Variants in PYGO1 observed in about 807,000 individuals in gnomAD.
The protein encoded by PYGO1 is pygopus family PHD finger 1, also known as pygopus homolog 1.
Under a neutral mutation model 29.5 loss-of-function variants are expected in PYGO1, and 6 were observed. The ratio of observed to expected loss-of-function variants is 0.20; its 90% CI spans 0.11 to 0.40. The LOEUF is 0.40. PYGO1 is among the 10% of genes least tolerant of loss of function. The pLI is 1.00. For synonymous variants in PYGO1, 186 were observed against 180.5 expected, an observed-to-expected ratio of 1.03 and a Z score of -0.24; for missense variants, 515 against 514.9, an observed-to-expected ratio of 1.00 and a Z score of 0.00.
intron 1 of PYGO1, among the ~76,000 whole-genome samples, chr15:55,569,304 TATTTC>T (rs1399009953): frequency 6.6e-6 from 1 of 152,168 alleles, no homozygotes; most frequent in East Asian, 1.9e-4. Flanking sequence ...CTGATTTAGT[TATTTC>T]ATTTCTTCTG....
At chr15:55,567,396 C>G (rs747158836) in intron 1 of PYGO1, among the ~76,000 whole-genome samples, 2 of 151,666 alleles carry the variant, frequency 1.3e-5, no homozygotes, top group Middle Eastern at 3.4e-3. Context: ...TTTGTAGAGA[C>G]AGGGTCTCCC....
At position 55,542,212 on chromosome 15, in the gene PYGO1, A is replaced by C. The variant is rs141264086; in HGVS notation, c.*3811T>G. The C allele has an allele frequency of 5.3e-4, 80 of 152,350 alleles. No homozygotes were observed. The highest frequency in any genetic ancestry group is 8.4e-4 in the Non-Finnish European group (57 of 68,034). The allele number at this position is 152,350 out of a possible 1,614,324, so 9.4% of individuals were successfully genotyped here. A position where few individuals can be genotyped will look rare whatever the true frequency, so the allele number is the denominator to read the frequency against. ...GTTCGAGACAAACAAGTTTGAAAGA[A>C]TATTGAATGAAGACTCTTGATACTT... On this transcript the variant is annotated 3_prime_UTR_variant, in exon 3 of 3. Coordinates refer to ENST00000563719, the MANE Select transcript of PYGO1 (RefSeq NM_001367806.1).
chr15:55,548,361 G>C (rs1208801843), intron 2 of PYGO1, among the ~76,000 whole-genome samples: 1 of 151,756 alleles, frequency 6.6e-6, no homozygotes, highest in Non-Finnish European at 1.5e-5. Context: ...CCTTTTTGCA[G>C]TATCTAGTCT....
Position 55,545,852 on chromosome 15 carries a change from G to A in PYGO1, c.*171C>T. ...ATATACATTATTCTCATTTAAGACAGCAAGCAAAGACAATAAAAAATTTGC... is the reference window on the plus strand; with the variant it reads ...ATATACATTATTCTCATTTAAGACAACAAGCAAAGACAATAAAAAATTTGC... On this transcript the variant is annotated 3_prime_UTR_variant, in exon 3 of 3. Transcript: ENST00000563719. The A allele has an allele frequency of 1.6e-6, 1 of 635,586 alleles. No individual in the cohort carries two copies. Among genetic ancestry groups the A allele is most frequent in the Non-Finnish European group, 2.6e-6 (1 of 391,736 alleles). The allele number at this position is 635,586 out of a possible 1,614,324, so 39.4% of individuals were successfully genotyped here. A position where few individuals can be genotyped will look rare whatever the true frequency, so the allele number is the denominator to read the frequency against.
chr15:55,549,423 T>C (rs145347418), intron 1 of PYGO1, among the ~76,000 whole-genome samples: 5 of 152,314 alleles, frequency 3.3e-5, no homozygotes, highest in Admixed American at 3.3e-4. Flanking sequence ...TACTTGGAGA[T>C]CATTCCATAT....
chr15:55,576,547 G>A (rs933610533), intron 1 of PYGO1, among the ~76,000 whole-genome samples: 4 of 148,872 alleles, frequency 2.7e-5, no homozygotes, highest in African/African-American at 9.9e-5. Flanking sequence ...AAGGCAGGCA[G>A]ATCACCTGAG....
intron 1 of PYGO1, among the ~76,000 whole-genome samples, chr15:55,571,402 A>T (rs191736483): frequency 1.3e-5 from 2 of 152,192 alleles, no homozygotes; most frequent in African/African-American, 4.8e-5. Flanking sequence ...TGGAGAGTTT[A>T]TCCTATGATA....
chr15:55,558,024 A>C (rs1362121491), intron 1 of PYGO1, among the ~76,000 whole-genome samples: 1 of 152,290 alleles, frequency 6.6e-6, no homozygotes, highest in East Asian at 1.9e-4. Context: ...AAAGAAATAA[A>C]GGGTATTCAA....
At chr15:55,580,108 CCT>C (rs1242584850) in intron 1 of PYGO1, among the ~76,000 whole-genome samples, 1 of 152,078 alleles carries the variant, frequency 6.6e-6, no homozygotes, top group Non-Finnish European at 1.5e-5. Context: ...TACAATAATA[CCT>C]CTGATAATGA....
intron 1 of PYGO1, among the ~76,000 whole-genome samples, chr15:55,581,719 A>G (rs2059025539): frequency 6.6e-6 from 1 of 152,212 alleles, no homozygotes; most frequent in African/African-American, 2.4e-5. Flanking sequence ...TTAAGCAGGA[A>G]GATCCATTTA....
intron 1 of PYGO1, among the ~76,000 whole-genome samples, chr15:55,552,015 A>T (rs2058880951): frequency 6.6e-6 from 1 of 152,132 alleles, no homozygotes; most frequent in South Asian, 2.1e-4. Context: ...GCATAAAAGC[A>T]TTTGACAAAA....
chr15:55,549,761 A>C (rs1346140074), intron 1 of PYGO1, among the ~76,000 whole-genome samples: 1 of 152,208 alleles, frequency 6.6e-6, no homozygotes. Flanking sequence ...TAAGAGGTTA[A>C]AAAGAGTTTA....
At chr15:55,586,785 C>G (rs550953801) in intron 1 of PYGO1, among the ~76,000 whole-genome samples, 13 of 152,194 alleles carry the variant, frequency 8.5e-5, no homozygotes, top group Non-Finnish European at 1.5e-4. Context: ...CCAGGTGAGC[C>G]CTTTCATGAT....
At position 55,539,447 on chromosome 15, in the gene PYGO1, T is replaced by A. The variant is rs530663651; in HGVS notation, c.*6576A>T. Reference sequence around the variant, plus strand: ...CCTGGTCATTAACCAAAAAAAAAAATAAACAATTTGGGGTAATCTAGTCAT... The same window carrying A: ...CCTGGTCATTAACCAAAAAAAAAAAAAAACAATTTGGGGTAATCTAGTCAT... On this transcript the variant is annotated 3_prime_UTR_variant, in exon 3 of 3. Coordinates refer to ENST00000563719, the MANE Select transcript of PYGO1 (RefSeq NM_001367806.1). The A allele has an allele frequency of 1.3e-5, 2 of 151,478 alleles. No homozygotes were observed. The highest frequency in any genetic ancestry group is 4.8e-5 in the African/African-American group (2 of 41,288). The allele number at this position is 151,478 out of a possible 1,614,324, so 9.4% of individuals were successfully genotyped here.
chr15:55,549,669 A>G (rs62020034), intron 1 of PYGO1, among the ~76,000 whole-genome samples: 2 of 152,170 alleles, frequency 1.3e-5, no homozygotes, highest in Admixed American at 1.3e-4. Flanking sequence ...CTTAAAGATA[A>G]TGTTAAAAAT....
intron 1 of PYGO1, among the ~76,000 whole-genome samples, chr15:55,567,157 G>A (rs7173263): frequency 0.11 from 14,439 of 134,104 alleles, 1,400 homozygotes; most frequent in African/African-American, 0.27. Context: ...CCACTTGCAC[G>A]GCTTCTTTTG....
At chr15:55,563,984 G>A (rs1461242454) in intron 1 of PYGO1, among the ~76,000 whole-genome samples, 2 of 152,120 alleles carry the variant, frequency 1.3e-5, no homozygotes, top group East Asian at 3.8e-4. Flanking sequence ...CAGCCACCGT[G>A]GAAAACACGT....
At chr15:55,549,109 G>A (rs1042276762) in intron 1 of PYGO1, 114 bp from the exon 2 acceptor site, 8 of 734,992 alleles carry the variant, frequency 1.1e-5, no homozygotes, top group East Asian at 3.1e-5. Context: ...CGTTAGACAA[G>A]AGCAATACTT....
chr15:55,547,813 A>G (rs1016137791), intron 2 of PYGO1, among the ~76,000 whole-genome samples: 4 of 152,244 alleles, frequency 2.6e-5, no homozygotes, highest in African/African-American at 9.6e-5. Flanking sequence ...GCCTGTATAT[A>G]TAATTGCTTG....
Sources: gnomAD v4.1 joint callset for allele counts (sites outside exome capture counted in the v4.1 genomes callset) on GRCh38, gnomAD v4.1.1 for gene constraint, MANE v1.5 for transcripts, NCBI Gene and HGNC (gene_info 2026-07-23, HGNC 2026-07-21) for gene names.